Variants in CLIC5 observed in about 807,000 individuals in gnomAD.
CLIC5 encodes CLIC family member 5.
Under a neutral mutation model 24.7 loss-of-function variants are expected in CLIC5, and 20 were observed. The observed-to-expected ratio is 0.81, with a 90% CI of 0.57 to 1.18. The LOEUF (loss-of-function observed/expected upper bound fraction) is 1.18, where lower values mean the gene tolerates loss of function less well. CLIC5 is among the 50% of genes most tolerant of loss of function. The pLI is 0.00. For missense variants in CLIC5, 341 were observed against 326.1 expected (o/e 1.05, Z -0.35); for synonymous variants, 159 against 135.6 (o/e 1.17, Z -1.20).
At chr6:45,892,084 A>G (rs1159969396) in intron 6 of CLIC5, 1 of 152,156 alleles carries the variant, frequency 6.6e-6, no homozygotes, top group Non-Finnish European at 1.5e-5. Flanking sequence ...GTTTGATCAT[A>G]TCACATCTCT....
intron 2 of CLIC5, among the ~76,000 whole-genome samples, chr6:45,951,848 A>G (rs1220139006): frequency 1.3e-5 from 2 of 152,160 alleles, no homozygotes; most frequent in South Asian, 4.1e-4. Flanking sequence ...AGGGGAAGAG[A>G]AGAATTTCAA....
upstream of CLIC5, among the ~76,000 whole-genome samples, chr6:46,017,781 T>C (rs971425345): frequency 1.3e-5 from 2 of 152,214 alleles, no homozygotes; most frequent in Non-Finnish European, 2.9e-5. Context: ...CAAAAGGCAC[T>C]TTAGCTGAAC....
chr6:45,929,891 C>T (rs1358009893), intron 4 of CLIC5, among the ~76,000 whole-genome samples: 1 of 152,194 alleles, frequency 6.6e-6, no homozygotes, highest in African/African-American at 2.4e-5. Context: ...GCTTTCTCAT[C>T]AGGCCTGTGG....
At chr6:45,889,147 T>C (rs985507605) in intron 6 of CLIC5, among the ~76,000 whole-genome samples, 5 of 152,170 alleles carry the variant, frequency 3.3e-5, no homozygotes, top group Non-Finnish European at 4.4e-5. Context: ...CAGAAATTTA[T>C]TTTTCACAGT....
chr6:46,085,345 G>C (rs1017197744), upstream of CLIC5, among the ~76,000 whole-genome samples: 2 of 152,212 alleles, frequency 1.3e-5, no homozygotes, highest in Non-Finnish European at 2.9e-5. Context: ...AGGAGGAGAG[G>C]CGCTCTGCTT....
At chr6:46,117,682 C>T in the CLIC5 span, among the ~76,000 whole-genome samples, 1 of 151,962 alleles carries the variant, frequency 6.6e-6, no homozygotes, top group African/African-American at 2.4e-5. Flanking sequence ...TATAGGATGA[C>T]CAATGATTAG....
chr6:45,928,224 C>A (rs1763577704), intron 4 of CLIC5, among the ~76,000 whole-genome samples: 1 of 152,178 alleles, frequency 6.6e-6, no homozygotes, highest in South Asian at 2.1e-4. Context: ...TAGATTTAAT[C>A]CCTGGTTTTA....
chr6:45,912,086 C>G, intron 5 of CLIC5: 1 of 986,144 alleles, frequency 1.0e-6, no homozygotes, highest in Non-Finnish European at 1.2e-6. Flanking sequence ...CTTCCATGCT[C>G]ATGTTCTGAA....
chr6:45,952,221 C>T (rs775236904), intron 2 of CLIC5, among the ~76,000 whole-genome samples: 6 of 152,120 alleles, frequency 3.9e-5, no homozygotes, highest in Admixed American at 6.5e-5. Context: ...TGGCCACCGA[C>T]GCTTAGCTAG....
At chr6:46,003,124 C>T (rs1033084892) in intron 1 of CLIC5, among the ~76,000 whole-genome samples, 1 of 152,160 alleles carries the variant, frequency 6.6e-6, no homozygotes, top group Non-Finnish European at 1.5e-5. Flanking sequence ...GGAATAGTAC[C>T]AAGACCTACT....
the CLIC5 span, among the ~76,000 whole-genome samples, chr6:46,109,024 G>A: frequency 1.3e-5 from 2 of 151,902 alleles, no homozygotes; most frequent in African/African-American, 4.8e-5. Flanking sequence ...TGTGCCCCAA[G>A]GTTATATAGA....
downstream of CLIC5, chr6:45,880,974 G>C (rs931156145): frequency 7.6e-6 from 3 of 393,790 alleles, no homozygotes; most frequent in African/African-American, 2.1e-5. Flanking sequence ...TAGAGGGAAT[G>C]GGGGGACGGG....
chr6:46,018,040 G>GTT (rs1767070320), upstream of CLIC5, among the ~76,000 whole-genome samples: 2 of 152,160 alleles, frequency 1.3e-5, no homozygotes, highest in African/African-American at 4.8e-5. Flanking sequence ...CACCTTCACA[G>GTT]CTGTACATTC....
chr6:45,935,362 G>T (rs1267550902), intron 4 of CLIC5, among the ~76,000 whole-genome samples: 3 of 152,214 alleles, frequency 2.0e-5, no homozygotes, highest in African/African-American at 7.2e-5. Context: ...GGAGGCCTGG[G>T]CCCTTGCTGA....
At chr6:46,016,099 G>GAAGGGGAAGAGGAAGGGGA (rs1766995415), upstream of CLIC5, among the ~76,000 whole-genome samples, 2 of 148,588 alleles carry the variant, frequency 1.3e-5, no homozygotes, top group Non-Finnish European at 3.0e-5. Flanking sequence ...AGGAGAAGGG[G>GAAGGGGAAGAGGAAGGGGA]AAGGGGAAGA....
rs1043716893 is a variant in CLIC5, at chr6:45,903,200, C to G, written c.644G>C (p.Trp215Ser). 6.2e-7 allele frequency: 1 copy of G among 1,612,552 alleles called. No homozygotes were observed. The highest frequency in any genetic ancestry group is 1.7e-4 in the Middle Eastern group (1 of 6,042). The change falls in exon 6 of 6, where the codon TGG (tryptophan) becomes TCG (serine). Residue 215 changes from tryptophan to serine, a missense_variant. Transcript: ENST00000339561. ...YDIPAEMTGL[W>S]RYLKNAYARD... ...GGCATAGGCGTTCTTGAGGTACCGC[C>G]ACAGGCCTGTCATCTCAGCCGGGAT... is the stretch of plus-strand genomic sequence containing the variant.
In CLIC5 at chr6:46,030,688, C is replaced by T. The variant is rs1767473520; in HGVS notation, c.540+49015G>A. On this transcript the variant is annotated intron_variant, in intron 1 of 5. Transcript: ENST00000185206. Reference sequence around the variant, plus strand: ...AACCCTAAAATGGCTTGATTTCCTACATGCACACCTTGCTGTTCCAAACCT... The same window carrying T: ...AACCCTAAAATGGCTTGATTTCCTATATGCACACCTTGCTGTTCCAAACCT... Among the ~76,000 whole-genome samples the T allele has an allele frequency of 2.0e-5, 3 of 152,310 alleles. No individual in the cohort carries two copies. In the South Asian group the frequency reaches 6.2e-4, roughly 32 times the overall value.
chr6:45,952,295 C>A (rs1322761064), intron 2 of CLIC5, among the ~76,000 whole-genome samples: 1 of 152,196 alleles, frequency 6.6e-6, no homozygotes, highest in South Asian at 2.1e-4. Flanking sequence ...ATATCATTAG[C>A]ATTGGATGAC....
chr6:46,111,906 G>A, the CLIC5 span, among the ~76,000 whole-genome samples: 6 of 152,100 alleles, frequency 3.9e-5, no homozygotes, highest in African/African-American at 1.4e-4. Context: ...CCCTGCACAA[G>A]TTCTCTCTTG....
Sources: allele counts gnomAD v4.1 joint callset (sites outside exome capture counted in the v4.1 genomes callset), GRCh38; gene constraint gnomAD v4.1.1; transcripts MANE v1.5; gene names NCBI Gene and HGNC (gene_info 2026-07-23, HGNC 2026-07-21).